The following ZXDC variants were observed in gnomAD, a reference collection of about 807,000 sequenced individuals.
The protein encoded by ZXDC is ZXD family zinc finger C.
A neutral mutation model predicts 63.6 loss-of-function variants in ZXDC; 58 were observed. The ratio of observed to expected loss-of-function variants is 0.91; its 90% CI spans 0.74 to 1.13. ZXDC has a LOEUF of 1.13. Ranked by LOEUF, ZXDC falls within the 50% of genes most tolerant of loss-of-function variation. The pLI is 0.00. For synonymous variants in ZXDC, 561 were observed against 496.1 expected, an observed-to-expected ratio of 1.13 and a Z score of -1.74; for missense variants, 1,133 against 1,148.9, an observed-to-expected ratio of 0.99 and a Z score of 0.20.
chr3:126,462,010 C>T lies in ZXDC; in HGVS notation c.1652G>A (p.Gly551Glu). Reference protein sequence around the residue: ...DVTSVSSSLGGNLPANNSSLG... With the variant: ...DVTSVSSSLGENLPANNSSLG... ...GGAGCTATTATTAGCAGGGAGGTTC[C>T]CTCCCAGAGAGGAGCTCACAGAAGT... Residue 551 changes from glycine to glutamate, a missense_variant, in exon 6 of 10, where the codon GGG becomes GAG. By Grantham distance (98) the Gly-to-Glu change is moderately conservative. Transcript: ENST00000389709. 1 of 1,614,048 alleles carries T rather than the reference C, an allele frequency of 6.2e-7. No homozygotes were observed. The highest frequency in any genetic ancestry group is 8.5e-7 in the Non-Finnish European group (1 of 1,180,018).
chr3:126,444,181 A>G lies in ZXDC; in HGVS notation c.2213-2235T>C, dbSNP rs115986003. ...AACAGTCGCATTACGCTTGCTTTCT[A>G]ATAAAAGGCCTGGCTTCATTTTTAA... is the stretch of plus-strand genomic sequence containing the variant. On this transcript the variant is annotated intron_variant, in intron 7 of 9. Coordinates refer to ENST00000389709, the MANE Select transcript of ZXDC (RefSeq NM_025112.5). Among the ~76,000 whole-genome samples, 355 of 152,342 alleles carry G rather than the reference A, an allele frequency of 2.3e-3. 2 individuals are homozygous for G. Among genetic ancestry groups the G allele is most frequent in the African/African-American group, 8.2e-3 (343 of 41,576 alleles).
At chr3:126,452,264 C>A in intron 7 of ZXDC, 1 of 985,458 alleles carries the variant, frequency 1.0e-6, no homozygotes, top group South Asian at 4.7e-5. Flanking sequence ...CTTAGACGTT[C>A]TTGTCCATAG....
In ZXDC at chr3:126,454,253, C is replaced by T. The variant is rs1414933125; in HGVS notation, c.2212+5400G>A. On this transcript the variant is annotated intron_variant, in intron 7 of 9. Transcript: ENST00000389709. The stretch of plus-strand genomic sequence containing the variant: ...AAATAATGAACTAATCACTTTCAAA[C>T]TGCTAGTTTCTATACATTCAATTAT... 1.1e-5 allele frequency: 11 copies of T among 984,716 alleles called. No homozygotes were observed. The East Asian group carries it at 1.2e-3, about 112-fold the overall frequency. The allele number at this position is 984,716 out of a possible 1,614,324, so 61.0% of individuals were successfully genotyped here. A position where few individuals can be genotyped will look rare whatever the true frequency, so the allele number is the denominator to read the frequency against.
chr3:126,464,588 G>A (rs905559370), intron 5 of ZXDC, among the ~76,000 whole-genome samples: 12 of 152,168 alleles, frequency 7.9e-5, no homozygotes, highest in African/African-American at 2.9e-4. Context: ...TGCTACAGAA[G>A]AGGGTCTCAC....
intron 4 of ZXDC, among the ~76,000 whole-genome samples, chr3:126,466,604 T>C (rs1934777842): frequency 6.6e-6 from 1 of 152,252 alleles, no homozygotes; most frequent in African/African-American, 2.4e-5. Flanking sequence ...CTTCACCCAC[T>C]ACATGGAGAT....
intron 7 of ZXDC, chr3:126,453,493 C>CAGTA: frequency 2.0e-6 from 2 of 985,428 alleles, no homozygotes; most frequent in Non-Finnish European, 2.4e-6. Context: ...GTTCCATATA[C>CAGTA]AGTAATACAT....
At chr3:126,453,157 A>C in intron 7 of ZXDC, 1 of 985,436 alleles carries the variant, frequency 1.0e-6, no homozygotes, top group Middle Eastern at 5.2e-4. Context: ...CTGAATGATT[A>C]CTTGTTTTCC....
chr3:126,462,125 C>T lies in ZXDC; in HGVS notation c.1537G>A (p.Ala513Thr), dbSNP rs754609380. The T allele has an allele frequency of 3.1e-6, 5 of 1,613,656 alleles. No homozygotes were observed. In the African/African-American group the frequency reaches 6.7e-5, roughly 22 times the overall value. Residue 513 changes from alanine to threonine, a missense_variant, in exon 6 of 10, where the codon GCA becomes ACA. Transcript: ENST00000389709. ...TTGGCAGGTGTGTCAGAGAAGAGTGCAGCAAGATCCATGTTAGTGAGCTCA... is the reference window on the plus strand; with the variant it reads ...TTGGCAGGTGTGTCAGAGAAGAGTGTAGCAAGATCCATGTTAGTGAGCTCA... ...QSELTNMDLA[A>T]LFSDTPANAS...
chr3:126,461,621 GC>G lies in ZXDC; in HGVS notation c.2040del (p.Leu681CysfsTer44). The G allele has an allele frequency of 6.2e-7, 1 of 1,614,116 alleles. No individual in the cohort carries two copies. The highest frequency in any genetic ancestry group is 8.5e-7 in the Non-Finnish European group (1 of 1,180,022). Reference protein sequence around the residue: ...GAVGQQEGSHGLPQSTLPSPA... With the variant: ...GAVGQQEGSHXLPQSTLPSPA... Reference sequence around the variant, plus strand: ...GGACTGGGCAACGTGGACTGGGGCAGCCCATGGCTTCCTTCCTGCTGCCCAA... The same window carrying G: ...GGACTGGGCAACGTGGACTGGGGCAGCCATGGCTTCCTTCCTGCTGCCCAA... On this transcript the variant is annotated frameshift_variant, in exon 6 of 10. Transcript: ENST00000389709. LOFTEE classifies it high-confidence loss of function.
intron 7 of ZXDC, chr3:126,443,541 C>G (rs531840679): frequency 6.6e-6 from 1 of 152,192 alleles, no homozygotes; most frequent in Non-Finnish European, 1.5e-5. Context: ...GAAGTGAGAA[C>G]ATGCTGTTGG....
chr3:126,453,007 G>A (rs1408712964), intron 7 of ZXDC: 1 of 984,956 alleles, frequency 1.0e-6, no homozygotes, highest in Non-Finnish European at 1.2e-6. Flanking sequence ...CACAGTGCTG[G>A]GATTACAGCT....
Position 126,462,223 on chromosome 3 carries a change from GA to G in ZXDC, c.1442-4del, listed in dbSNP as rs200661026. The G allele has an allele frequency of 2.2e-5, 34 of 1,558,924 alleles. No homozygotes were observed. Among genetic ancestry groups the G allele is most frequent in the South Asian group, 1.1e-4 (9 of 85,436 alleles). On this transcript the variant is annotated splice_polypyrimidine_tract_variant and splice_region_variant and intron_variant, in intron 5 of 9. Transcript: ENST00000389709. Reference sequence around the variant, plus strand: ...AGCTTCTAGCTGAGGTAAGAGATCTGAAAAAAAAAGGAATACACTCTGGTTA... The same window carrying G: ...AGCTTCTAGCTGAGGTAAGAGATCTGAAAAAAAAGGAATACACTCTGGTTA...
rs980206820 is a variant in ZXDC at position 126,453,966 on chromosome 3, T to C, written c.2212+5687A>G. On this transcript the variant is annotated intron_variant, in intron 7 of 9. Coordinates refer to ENST00000389709, the MANE Select transcript of ZXDC (RefSeq NM_025112.5). Reference sequence around the variant, plus strand: ...TGATCAGAAAACATAGTACTGCCTATACATGTATATATATATGTGTACATA... The same window carrying C: ...TGATCAGAAAACATAGTACTGCCTACACATGTATATATATATGTGTACATA... 3 of 966,410 alleles carry C rather than the reference T, an allele frequency of 3.1e-6. No homozygotes were observed. In the African/African-American group the frequency reaches 5.3e-5, roughly 17 times the overall value. The allele number at this position is 966,410 out of a possible 1,614,324, so 59.9% of individuals were successfully genotyped here.
In ZXDC at chr3:126,474,825, G is replaced by T. The variant is rs1307840479; in HGVS notation, c.907+134C>A. ...TCTCAAATCGAATGACATGGAAGGA[G>T]CTAGAATACAAATCCCGAAGAGCCT... is the stretch of plus-strand genomic sequence containing the variant. On this transcript the variant is annotated intron_variant, in intron 1 of 9. Transcript: ENST00000389709. 7 of 1,061,034 alleles carry T rather than the reference G, an allele frequency of 6.6e-6. No homozygotes were observed. In the East Asian group the frequency reaches 1.8e-4, roughly 28 times the overall value. The allele number at this position is 1,061,034 out of a possible 1,614,324, so 65.7% of individuals were successfully genotyped here. A position where few individuals can be genotyped will look rare whatever the true frequency, so the allele number is the denominator to read the frequency against.
intron 8 of ZXDC, chr3:126,441,412 G>C (rs1054703429): frequency 9.3e-7 from 1 of 1,075,676 alleles, no homozygotes. Context: ...AAGAAGGGCA[G>C]GGTGGCCTCA....
Position 126,438,247 on chromosome 3 carries a change from A to AT in ZXDC, c.*127_*128insA. 1.3e-6 allele frequency: 1 copy of AT among 743,042 alleles called. No individual in the cohort carries two copies. 46.0% of individuals were successfully genotyped at this position (743,042 alleles called of 1,614,324 possible). ...AACATTTTTGATAAATGTACCCAAA[A>AT]GTCTCAAAAGGGCTACGCTGGTCTT... On this transcript the variant is annotated 3_prime_UTR_variant, in exon 10 of 10. Transcript: ENST00000389709.
intron 6 of ZXDC, chr3:126,460,156 A>G: frequency 1.0e-6 from 1 of 984,732 alleles, no homozygotes; most frequent in Non-Finnish European, 1.2e-6. Flanking sequence ...CACCTTAGAG[A>G]CCCACTGTAC....
intron 7 of ZXDC, chr3:126,454,891 T>C (rs1043567253): frequency 1.0e-6 from 1 of 985,298 alleles, no homozygotes; most frequent in Non-Finnish European, 1.2e-6. Flanking sequence ...ATAAAGAAAT[T>C]CACACATTTT....
chr3:126,456,838 A>C (rs923516918), intron 7 of ZXDC, among the ~76,000 whole-genome samples: 1 of 152,212 alleles, frequency 6.6e-6, no homozygotes. Context: ...AAAAACAAGA[A>C]GTTGATGGTG....
Sources: gnomAD v4.1 joint callset for allele counts (sites outside exome capture counted in the v4.1 genomes callset) on GRCh38, gnomAD v4.1.1 for gene constraint, MANE v1.5 for transcripts, NCBI Gene and HGNC (gene_info 2026-07-23, HGNC 2026-07-21) for gene names.